The following GPD2 variants were observed in gnomAD, a reference collection of about 807,000 sequenced individuals.
The protein encoded by GPD2 is glycerol-3-phosphate dehydrogenase, mitochondrial.
In GPD2, 54 loss-of-function variants were observed where a neutral mutation model predicts 82.4. That is an observed-to-expected ratio of 0.66 (90% CI 0.53 to 0.82). The LOEUF is 0.82. GPD2 is among the 40% of genes least tolerant of loss of function. GPD2 has a pLI of 0.00. For synonymous variants in GPD2, 288 were observed against 306.1 expected (o/e 0.94, Z 0.62); for missense variants, 748 against 896.2 (o/e 0.83, Z 2.11).
At position 156,549,663 on chromosome 2, in the gene GPD2, T is replaced by C; in HGVS notation, c.717T>C (p.Tyr239=). The C allele has an allele frequency of 1.2e-6, 2 of 1,613,488 alleles. No individual in the cohort carries two copies. The highest frequency in any genetic ancestry group is 1.7e-6 in the Non-Finnish European group (2 of 1,179,390). ...NLAIALTAAR[Y]GAATANYMEV... ...CCATTGCTCTGACTGCTGCCAGGTA[T>C]GGGGCTGCCACAGCCAATTACATGG... The change falls in exon 7 of 17, where the codon TAT becomes TAC. Residue 239 remains tyrosine (Y), a synonymous_variant. Coordinates refer to ENST00000438166, the MANE Select transcript of GPD2 (RefSeq NM_000408.5).
the GPD2 span, among the ~76,000 whole-genome samples, chr2:156,425,475 T>C: frequency 3.6e-4 from 55 of 152,338 alleles, no homozygotes; most frequent in Admixed American, 1.3e-3. Flanking sequence ...AGACCCTCTC[T>C]CCCTTTTCTT....
At chr2:156,552,894 CTTT>C (rs771404828) in intron 8 of GPD2, among the ~76,000 whole-genome samples, 1 of 107,366 alleles carries the variant, frequency 9.3e-6, no homozygotes. Flanking sequence ...TTCCTTATAT[CTTT>C]TTTTTTTTTT....
chr2:156,556,995 T>A (rs550190890), intron 8 of GPD2, among the ~76,000 whole-genome samples: 1 of 152,186 alleles, frequency 6.6e-6, no homozygotes, highest in Non-Finnish European at 1.5e-5. Flanking sequence ...GAAAAAAGGC[T>A]GAAGACATAT....
chr2:156,484,945 C>T (rs1025043853), intron 2 of GPD2, among the ~76,000 whole-genome samples: 4 of 152,154 alleles, frequency 2.6e-5, no homozygotes, highest in Admixed American at 2.6e-4. Flanking sequence ...CTCTGCTTAC[C>T]ACTATTTTAC....
chr2:156,579,566 A>G (rs746097715), intron 15 of GPD2, 124 bp from the exon 16 acceptor site: 1 of 669,056 alleles, frequency 1.5e-6, no homozygotes, highest in Non-Finnish European at 2.8e-6. Flanking sequence ...TCCTGACCTC[A>G]ACTAATCTGC....
At chr2:156,447,820 C>T (rs1015185518) in intron 1 of GPD2, among the ~76,000 whole-genome samples, 10 of 152,116 alleles carry the variant, frequency 6.6e-5, no homozygotes, top group Non-Finnish European at 1.5e-4. Context: ...TATTGGAATT[C>T]CCAGGGTCTG....
chr2:156,402,276 A>G, the GPD2 span, among the ~76,000 whole-genome samples: 36 of 152,368 alleles, frequency 2.4e-4, no homozygotes, highest in African/African-American at 7.2e-4. Context: ...TTAGAGAAAG[A>G]TCATAAAAGG....
At chr2:156,456,510 G>A (rs1055524180) in intron 1 of GPD2, among the ~76,000 whole-genome samples, 5 of 151,970 alleles carry the variant, frequency 3.3e-5, no homozygotes, top group African/African-American at 7.3e-5. Flanking sequence ...GGCTGAGGTG[G>A]GAGAATTGCT....
rs771951908 is a variant in GPD2, at chr2:156,549,693, A to G, written c.747A>G (p.Val249=). The G allele has an allele frequency of 1.2e-6, 2 of 1,613,818 alleles. No individual in the cohort carries two copies. The highest frequency in any genetic ancestry group is 1.7e-5 in the Admixed American group (1 of 60,008). ...YGAATANYME[V]VSLLKKTDPQ... ...CTGCCACAGCCAATTACATGGAGGT[A>G]GTGAGCTTGCTCAAGAAGACAGACC... The change falls in exon 7 of 17, where the codon GTA becomes GTG. Residue 249 remains valine (V), a synonymous_variant. Transcript: ENST00000438166.
intron 6 of GPD2, among the ~76,000 whole-genome samples, chr2:156,537,199 G>C (rs1686114569): frequency 6.6e-6 from 1 of 152,178 alleles, no homozygotes. Flanking sequence ...AGAGGGATGG[G>C]GCTCCCTGTA....
chr2:156,453,867 A>G (rs935639406), intron 1 of GPD2, among the ~76,000 whole-genome samples: 9 of 152,148 alleles, frequency 5.9e-5, no homozygotes, highest in African/African-American at 2.2e-4. Context: ...ACAGAGTGAG[A>G]CTCTGTCTCA....
intron 6 of GPD2, among the ~76,000 whole-genome samples, chr2:156,519,566 A>G (rs1211600227): frequency 6.6e-6 from 1 of 152,244 alleles, no homozygotes; most frequent in Non-Finnish European, 1.5e-5. Flanking sequence ...TTGTGCAACC[A>G]AGGTTTAAAA....
chr2:156,514,782 C>T (rs1260683404), intron 6 of GPD2, among the ~76,000 whole-genome samples: 1 of 152,160 alleles, frequency 6.6e-6, no homozygotes, highest in Non-Finnish European at 1.5e-5. Context: ...AGGGGGGCCA[C>T]TTAACTATTT....
chr2:156,561,024 G>T (rs1047444609), intron 9 of GPD2, among the ~76,000 whole-genome samples: 7 of 117,876 alleles, frequency 5.9e-5, no homozygotes, highest in Non-Finnish European at 1.2e-4. Context: ...AGAAACTGAG[G>T]CCCAGTGACA....
At chr2:156,408,003 A>G in the GPD2 span, among the ~76,000 whole-genome samples, 4 of 120,646 alleles carry the variant, frequency 3.3e-5, no homozygotes, top group Non-Finnish European at 6.3e-5. Flanking sequence ...CACCCAGGCT[A>G]GAGTATAGTG....
At chr2:156,413,774 C>G in the GPD2 span, among the ~76,000 whole-genome samples, 9 of 151,654 alleles carry the variant, frequency 5.9e-5, no homozygotes, top group Non-Finnish European at 1.3e-4. Context: ...CGTGGTGGCG[C>G]ATGCCTGTAA....
intron 15 of GPD2, 96 bp downstream of exon 15, chr2:156,579,260 TG>T: frequency 1.3e-6 from 1 of 748,104 alleles, no homozygotes; most frequent in East Asian, 2.6e-5. Flanking sequence ...GTAATATTTT[TG>T]TTATAATTTT....
At chr2:156,550,880 A>G in intron 8 of GPD2, 134 bp downstream of exon 8, 1 of 805,760 alleles carries the variant, frequency 1.2e-6, no homozygotes. Flanking sequence ...AAGTAAAGGA[A>G]CTCTTCCAAA....
At chr2:156,571,563 C>T (rs1411814502) in intron 13 of GPD2, among the ~76,000 whole-genome samples, 1 of 152,004 alleles carries the variant, frequency 6.6e-6, no homozygotes, top group Non-Finnish European at 1.5e-5. Context: ...AGTATGGAAC[C>T]TTTTCTGGTT....
Sources: gnomAD v4.1 joint callset for allele counts (sites outside exome capture counted in the v4.1 genomes callset) on GRCh38, gnomAD v4.1.1 for gene constraint, MANE v1.5 for transcripts, NCBI Gene and HGNC (gene_info 2026-07-23, HGNC 2026-07-21) for gene names.